KIAA0319: variants seen among roughly 807,000 people sequenced by gnomAD.
The protein encoded by KIAA0319 is KIAA0319, also known as dyslexia-associated protein KIAA0319.
In KIAA0319, 83 loss-of-function variants were observed where a neutral mutation model predicts 108.4. That is an observed-to-expected ratio of 0.77 (90% CI 0.64 to 0.92). The LOEUF is 0.92. Ranked by LOEUF, KIAA0319 falls within the 40% of genes least tolerant of loss-of-function variation. KIAA0319 has a pLI of 0.00. For synonymous variants in KIAA0319, 484 were observed against 510.4 expected, an observed-to-expected ratio of 0.95 and a Z score of 0.70; for missense variants, 1,195 against 1,322.4, an observed-to-expected ratio of 0.90 and a Z score of 1.49.
At chr6:24,642,047 A>AAGGGG (rs893139086) in intron 1 of KIAA0319, among the ~76,000 whole-genome samples, 14 of 101,750 alleles carry the variant, frequency 1.4e-4, no homozygotes, top group Admixed American at 4.4e-4. Context: ...GAGAGAAAGG[A>AAGGGG]AGGGGAGGGG....
chr6:24,590,424 A>C (rs1768293692), intron 3 of KIAA0319, among the ~76,000 whole-genome samples: 1 of 152,182 alleles, frequency 6.6e-6, no homozygotes, highest in Non-Finnish European at 1.5e-5. Flanking sequence ...TGTTTGATTT[A>C]ATTGAATTTT....
At chr6:24,580,320 C>CA (rs1437802514) in intron 7 of KIAA0319, among the ~76,000 whole-genome samples, 2 of 146,914 alleles carry the variant, frequency 1.4e-5, no homozygotes, top group Non-Finnish European at 3.0e-5. Context: ...CTCCCCCCCC[C>CA]ACCCCCCATA....
At chr6:24,569,161 G>A (rs945856906) in intron 12 of KIAA0319, among the ~76,000 whole-genome samples, 5 of 151,976 alleles carry the variant, frequency 3.3e-5, no homozygotes, top group Admixed American at 6.5e-5. Context: ...ATTTGTTCTC[G>A]ATTTTTTTAA....
chr6:24,629,465 A>G (rs1174330432), intron 1 of KIAA0319, among the ~76,000 whole-genome samples: 1 of 133,010 alleles, frequency 7.5e-6, no homozygotes, highest in East Asian at 2.6e-4. Context: ...CAATGAGCCG[A>G]GATCGTGCCA....
At chr6:24,581,107 T>G (rs1766469440) in intron 6 of KIAA0319, 94 bp from the exon 7 acceptor site, 1 of 775,880 alleles carries the variant, frequency 1.3e-6, no homozygotes, top group South Asian at 1.4e-5. Flanking sequence ...GCCGCACTCC[T>G]AAAGTCAGCA....
chr6:24,632,300 T>C (rs1040507356), intron 1 of KIAA0319, among the ~76,000 whole-genome samples: 12 of 152,218 alleles, frequency 7.9e-5, no homozygotes, highest in Admixed American at 6.5e-5. Flanking sequence ...AGCATCCCAA[T>C]ACCGCCAGAG....
At position 24,601,141 on chromosome 6, in the gene KIAA0319, C is replaced by T. The variant is rs771063602; in HGVS notation, c.-38G>A. ...AGTGGGTGATGGCAGGCTTCTGAGG[C>T]GGCCCTGAAGAGAGTTTGGTGCAAG... On this transcript the variant is annotated 5_prime_UTR_variant, in exon 2 of 21. Transcript: ENST00000378214. 25 of 1,611,482 alleles carry T rather than the reference C, an allele frequency of 1.6e-5. 1 individual carries two copies. The highest frequency in any genetic ancestry group is 1.3e-4 in the South Asian group (12 of 90,498).
At chr6:24,611,435 G>T (rs938743232) in intron 1 of KIAA0319, among the ~76,000 whole-genome samples, 1 of 152,142 alleles carries the variant, frequency 6.6e-6, no homozygotes, top group African/African-American at 2.4e-5. Flanking sequence ...GGAGGTGGAG[G>T]TTGCAGTAAG....
chr6:24,625,841 C>A (rs142226547), intron 1 of KIAA0319, among the ~76,000 whole-genome samples: 25 of 152,062 alleles, frequency 1.6e-4, no homozygotes, highest in Admixed American at 2.6e-4. Flanking sequence ...AGAGTAAGTA[C>A]TTAGGAATAA....
At chr6:24,576,735 TAGA>T (rs1226998754) in intron 9 of KIAA0319, 139 bp from the exon 10 acceptor site, 1 of 681,606 alleles carries the variant, frequency 1.5e-6, no homozygotes, top group African/African-American at 1.8e-5. Context: ...AGCTGGGCCA[TAGA>T]AGGAGACTCT....
At chr6:24,583,499 G>T in intron 5 of KIAA0319, 105 bp downstream of exon 5, 1 of 773,148 alleles carries the variant, frequency 1.3e-6, no homozygotes, top group Non-Finnish European at 2.2e-6. Context: ...TTGTGACGTC[G>T]TGCAATACTG....
In KIAA0319 at chr6:24,559,617, T is replaced by TAA. The variant is rs3032307; in HGVS notation, c.2592-464_2592-463dup. Among the ~76,000 whole-genome samples, 13 of 148,730 alleles carry TAA rather than the reference T, an allele frequency of 8.7e-5. No homozygotes were observed. In the East Asian group the frequency reaches 1.0e-3, roughly 11 times the overall value. On this transcript the variant is annotated intron_variant, in intron 16 of 20. Transcript: ENST00000378214. ...ATTCTTTGCAATAAATCCATAATAG[T>TAA]AAAAAAAAAAAAAGGAGCAATGTAT...
chr6:24,638,910 T>C (rs1422110160), intron 1 of KIAA0319, among the ~76,000 whole-genome samples: 1 of 152,164 alleles, frequency 6.6e-6, no homozygotes, highest in Admixed American at 6.5e-5. Context: ...AGATCTTAAA[T>C]ATTCCTATCA....
chr6:24,595,546 C>CAAAAAAAAA (rs60291863), intron 3 of KIAA0319, among the ~76,000 whole-genome samples: 5 of 43,254 alleles, frequency 1.2e-4, no homozygotes, highest in African/African-American at 2.6e-4. Flanking sequence ...GATTCAATCT[C>CAAAAAAAAA]AAAAAAAAAA....
At chr6:24,630,633 C>G (rs2127585830) in intron 1 of KIAA0319, among the ~76,000 whole-genome samples, 1 of 147,336 alleles carries the variant, frequency 6.8e-6, no homozygotes, top group Middle Eastern at 3.6e-3. Flanking sequence ...CAAATGGCTG[C>G]TTTTCTTCTT....
At chr6:24,562,324 G>A (rs761249364) in intron 16 of KIAA0319, among the ~76,000 whole-genome samples, 7 of 152,032 alleles carry the variant, frequency 4.6e-5, no homozygotes, top group Non-Finnish European at 4.4e-5. Context: ...TATATTTTAC[G>A]AGGGAAATAT....
intron 12 of KIAA0319, 129 bp downstream of exon 12, chr6:24,569,774 C>A (rs1764419337): frequency 3.7e-6 from 4 of 1,090,894 alleles, no homozygotes; most frequent in Non-Finnish European, 5.3e-6. Flanking sequence ...CCAGCCACTT[C>A]TAGAAACGTG....
Position 24,583,707 on chromosome 6 carries a change from A to C in KIAA0319, c.995-5T>G. ...CCGATACCGTAAGTTCTTTCACTAA[A>C]AGTTAATTAGAAATAATACGTGCAA... On this transcript the variant is annotated splice_polypyrimidine_tract_variant and splice_region_variant and intron_variant, in intron 4 of 20. Coordinates refer to ENST00000378214, the MANE Select transcript of KIAA0319 (RefSeq NM_014809.4). 6.4e-7 allele frequency: 1 copy of C among 1,559,880 alleles called. No homozygotes were observed. The highest frequency in any genetic ancestry group is 8.8e-7 in the Non-Finnish European group (1 of 1,131,048).
intron 6 of KIAA0319, 44 bp from the exon 7 acceptor site, chr6:24,581,057 G>T: frequency 8.1e-7 from 1 of 1,227,890 alleles, no homozygotes. Flanking sequence ...TGCAAGACGT[G>T]ATGGGTCCAC....
Sources: gnomAD v4.1 joint callset for allele counts (sites outside exome capture counted in the v4.1 genomes callset) on GRCh38, gnomAD v4.1.1 for gene constraint, MANE v1.5 for transcripts, NCBI Gene and HGNC (gene_info 2026-07-23, HGNC 2026-07-21) for gene names.